Variants in CDH13 observed in about 807,000 individuals in gnomAD.
CDH13 encodes cadherin 13.
Under a neutral mutation model 63.8 loss-of-function variants are expected in CDH13, and 24 were observed. The ratio of observed to expected loss-of-function variants is 0.38; its 90% CI spans 0.27 to 0.53. The LOEUF is 0.53. Ranked by LOEUF, CDH13 falls within the 20% of genes least tolerant of loss-of-function variation. CDH13 has a pLI of 0.85. For missense variants in CDH13, 1,049 were observed against 903.1 expected (o/e 1.16, Z -2.07); for synonymous variants, 503 against 355.3 (o/e 1.42, Z -4.67).
intron 7 of CDH13, among the ~76,000 whole-genome samples, chr16:83,510,160 G>C (rs1218636875): frequency 6.6e-6 from 1 of 152,190 alleles, no homozygotes; most frequent in Non-Finnish European, 1.5e-5. Context: ...AAGCAAAACA[G>C]TGAGATATTT....
rs538588465 is a variant in CDH13 at position 83,414,131 on chromosome 16, G to C, written c.781+69125G>C. On this transcript the variant is annotated intron_variant, in intron 6 of 13. Transcript: ENST00000567109. Reference sequence around the variant, plus strand: ...GTTTTATAGAAGTACTCTCTGAAAAGGTACCAAAAATATTCTCATTCCTAC... The same window carrying C: ...GTTTTATAGAAGTACTCTCTGAAAACGTACCAAAAATATTCTCATTCCTAC... 3.9e-5 allele frequency among the ~76,000 whole-genome samples: 6 copies of C among 152,250 alleles called. No individual in the cohort carries two copies. The South Asian group carries it at 1.2e-3, about 32-fold the overall frequency.
intron 1 of CDH13, among the ~76,000 whole-genome samples, chr16:82,745,168 G>A (rs559065169): frequency 6.6e-6 from 1 of 152,250 alleles, no homozygotes; most frequent in East Asian, 1.9e-4. Context: ...GTTGAATCTG[G>A]TTACCCCCTC....
chr16:83,683,920 G>T (rs1053807310), intron 10 of CDH13, among the ~76,000 whole-genome samples: 11 of 152,168 alleles, frequency 7.2e-5, no homozygotes, highest in Admixed American at 2.6e-4. Flanking sequence ...AACAGATCAG[G>T]TTCCCACTCT....
At position 83,010,135 on chromosome 16, in the gene CDH13, C is replaced by CAAAAAAAAAAAAA. The variant is rs67985333; in HGVS notation, c.158-21860_158-21848dup. Among the ~76,000 whole-genome samples the CAAAAAAAAAAAAA allele has an allele frequency of 6.8e-3, 342 of 50,052 alleles. 12 individuals carry two copies. Among genetic ancestry groups the CAAAAAAAAAAAAA allele is most frequent in the Middle Eastern group, 0.012 (1 of 84 alleles). The allele number at this position is 50,052 out of a possible 152,430, so 32.8% of individuals were successfully genotyped here. ...GGGCAACAAGAGCAAAACTCTGTCT[C>CAAAAAAAAAAAAA]AAAAAAAAAAAAAAAAAAAAAAAAA... On this transcript the variant is annotated intron_variant, in intron 2 of 13. Coordinates refer to ENST00000567109, the MANE Select transcript of CDH13 (RefSeq NM_001257.5).
intron 6 of CDH13, among the ~76,000 whole-genome samples, chr16:83,474,735 T>C (rs1163758675): frequency 6.6e-6 from 1 of 152,230 alleles, no homozygotes; most frequent in Non-Finnish European, 1.5e-5. Context: ...AGGAATAAAC[T>C]GTGAAGCCAG....
chr16:83,559,889 C>T (rs915814313), intron 7 of CDH13, among the ~76,000 whole-genome samples: 10 of 152,064 alleles, frequency 6.6e-5, no homozygotes, highest in Admixed American at 1.3e-4. Flanking sequence ...TTTCCTAATT[C>T]TTTTATTTTT....
chr16:83,027,109 C>CA (rs1447985317), intron 2 of CDH13, among the ~76,000 whole-genome samples: 1 of 143,000 alleles, frequency 7.0e-6, no homozygotes, highest in Non-Finnish European at 1.6e-5. Context: ...GAGACCCCCC[C>CA]CCCCCACCGC....
rs188789774 is a variant in CDH13, at chr16:83,326,148, C to A, written c.637-18714C>A. On this transcript the variant is annotated intron_variant, in intron 5 of 13. Coordinates refer to ENST00000567109, the MANE Select transcript of CDH13 (RefSeq NM_001257.5). The stretch of plus-strand genomic sequence containing the variant: ...CAGTGTCAGTGTGCAGGGTCTAGGT[C>A]TTTTATTCATCTTTCCAGAACATGA... Among the ~76,000 whole-genome samples the A allele has an allele frequency of 3.5e-3, 536 of 152,238 alleles. 4 individuals carry two copies. The highest frequency in any genetic ancestry group is 9.1e-3 in the African/African-American group (380 of 41,556).
chr16:82,630,156 T>C (rs1907832767), intron 1 of CDH13, among the ~76,000 whole-genome samples: 1 of 152,220 alleles, frequency 6.6e-6, no homozygotes, highest in Admixed American at 6.5e-5. Context: ...TGTTATGTTT[T>C]AAGAGCAGTG....
intron 2 of CDH13, among the ~76,000 whole-genome samples, chr16:82,948,795 C>T (rs754681927): frequency 6.6e-6 from 1 of 152,116 alleles, no homozygotes; most frequent in Non-Finnish European, 1.5e-5. Context: ...ACTAATCTTC[C>T]TGGTTTGAAT....
intron 4 of CDH13, among the ~76,000 whole-genome samples, chr16:83,216,637 A>C (rs1317289684): frequency 1.4e-5 from 2 of 144,354 alleles, no homozygotes; most frequent in African/African-American, 5.0e-5. Flanking sequence ...GGGGTTTAAT[A>C]TATATATTAT....
Position 83,799,809 on chromosome 16 carries a change from A to G in CDH13, c.*4779A>G, listed in dbSNP as rs912405447. ...CCTTACTATATTTCCTATTGCTAATAGATTAGCCCACTATTGAAAAAATTC... is the reference window on the plus strand; with the variant it reads ...CCTTACTATATTTCCTATTGCTAATGGATTAGCCCACTATTGAAAAAATTC... On this transcript the variant is annotated 3_prime_UTR_variant, in exon 14 of 14. Coordinates refer to ENST00000567109, the MANE Select transcript of CDH13 (RefSeq NM_001257.5). 1.3e-5 allele frequency: 2 copies of G among 152,214 alleles called. No homozygotes were observed. Among genetic ancestry groups the G allele is most frequent in the African/African-American group, 4.8e-5 (2 of 41,462 alleles). 9.4% of individuals were successfully genotyped at this position (152,214 alleles called of 1,614,324 possible).
chr16:82,851,875 C>T (rs2039503785), intron 1 of CDH13, among the ~76,000 whole-genome samples: 1 of 152,172 alleles, frequency 6.6e-6, no homozygotes, highest in South Asian at 2.1e-4. Context: ...TCCTTTCTTC[C>T]TCACAAATCT....
intron 2 of CDH13, among the ~76,000 whole-genome samples, chr16:83,006,667 T>C (rs1231955980): frequency 6.6e-6 from 1 of 152,194 alleles, no homozygotes; most frequent in Non-Finnish European, 1.5e-5. Context: ...TGAAGTGAGC[T>C]GTACCTCCAA....
intron 5 of CDH13, among the ~76,000 whole-genome samples, chr16:83,236,336 G>C (rs1160442636): frequency 6.6e-6 from 1 of 151,944 alleles, no homozygotes; most frequent in African/African-American, 2.4e-5. Context: ...ATGTACAGTG[G>C]ACGTTTGACA....
rs189488507 is a variant in CDH13 at position 83,282,113 on chromosome 16, C to T, written c.637-62749C>T. Among the ~76,000 whole-genome samples the T allele has an allele frequency of 1.1e-3, 170 of 152,206 alleles. 2 individuals are homozygous for T. The East Asian group carries it at 0.028, about 25-fold the overall frequency. On this transcript the variant is annotated intron_variant, in intron 5 of 13. Coordinates refer to ENST00000567109, the MANE Select transcript of CDH13 (RefSeq NM_001257.5). ...GGAGAGAGATGGGGGAATGGCTGCT[C>T]ATTGCAGCAGTCAGAGCATACACCA...
At chr16:82,869,382 G>A (rs563902273) in intron 2 of CDH13, among the ~76,000 whole-genome samples, 4 of 151,712 alleles carry the variant, frequency 2.6e-5, no homozygotes, top group Non-Finnish European at 4.4e-5. Context: ...CAAGTCAAGT[G>A]TAGTAGTGAG....
chr16:83,651,367 G>C (rs1912357809), intron 8 of CDH13, among the ~76,000 whole-genome samples: 1 of 151,856 alleles, frequency 6.6e-6, no homozygotes, highest in African/African-American at 2.4e-5. Flanking sequence ...GCATTTTATT[G>C]CTTATGTGCT....
At chr16:82,734,441 C>A (rs558288934) in intron 1 of CDH13, among the ~76,000 whole-genome samples, 1 of 152,114 alleles carries the variant, frequency 6.6e-6, no homozygotes, top group Non-Finnish European at 1.5e-5. Context: ...GAGGCAGGTG[C>A]GCCTGCAACA....
Sources: gnomAD v4.1 joint callset for allele counts (sites outside exome capture counted in the v4.1 genomes callset) on GRCh38, gnomAD v4.1.1 for gene constraint, MANE v1.5 for transcripts, NCBI Gene and HGNC (gene_info 2026-07-23, HGNC 2026-07-21) for gene names.